Variants in SPMAP2L observed in about 807,000 individuals in gnomAD.
SPMAP2L encodes sperm microtubule associated protein 2-like.
the SPMAP2L span, among the ~76,000 whole-genome samples, chr4:56,574,843 A>C: frequency 6.6e-6 from 1 of 152,092 alleles, no homozygotes; most frequent in Non-Finnish European, 1.5e-5. Context: ...GTTGCTGGGC[A>C]TAGAGGCACA....
At chr4:56,618,769 C>T in the SPMAP2L span, among the ~76,000 whole-genome samples, 14 of 152,230 alleles carry the variant, frequency 9.2e-5, no homozygotes, top group African/African-American at 2.2e-4. Flanking sequence ...TTTTATAGAA[C>T]GGAACTTGGG....
the SPMAP2L span, among the ~76,000 whole-genome samples, chr4:56,583,398 T>G: frequency 6.6e-6 from 1 of 152,182 alleles, no homozygotes; most frequent in Non-Finnish European, 1.5e-5. Flanking sequence ...GTGGTGGTGG[T>G]TGCATATCTT....
At chr4:56,571,224 A>G in the SPMAP2L span, among the ~76,000 whole-genome samples, 1 of 151,828 alleles carries the variant, frequency 6.6e-6, no homozygotes, top group Non-Finnish European at 1.5e-5. Flanking sequence ...TTTTTTCTTT[A>G]TATCCTTATT....
the SPMAP2L span, chr4:56,559,427 C>G: frequency 3.3e-6 from 5 of 1,529,904 alleles, no homozygotes; most frequent in South Asian, 6.0e-5. Flanking sequence ...CCTATTCGCC[C>G]TGTTTCCCAG....
At chr4:56,564,818 TC>T in the SPMAP2L span, among the ~76,000 whole-genome samples, 1 of 152,226 alleles carries the variant, frequency 6.6e-6, no homozygotes, top group African/African-American at 2.4e-5. Context: ...TGCATTTTCC[TC>T]TAAGTATTGT....
chr4:56,560,180 A>G, the SPMAP2L span, among the ~76,000 whole-genome samples: 2 of 152,258 alleles, frequency 1.3e-5, no homozygotes, highest in East Asian at 3.9e-4. Flanking sequence ...TTTTCAAGTT[A>G]GGGGCTCCAA....
chr4:56,548,718 G>A, the SPMAP2L span: 1 of 1,060,598 alleles, frequency 9.4e-7, no homozygotes, highest in Non-Finnish European at 1.3e-6. Context: ...CTTTTAATTT[G>A]TGATGCTATC....
the SPMAP2L span, among the ~76,000 whole-genome samples, chr4:56,533,693 A>G: frequency 2.1e-3 from 318 of 151,946 alleles, 12 homozygotes; most frequent in South Asian, 0.05. Context: ...CAAATCTGTA[A>G]TCCCAGCACT....
the SPMAP2L span, chr4:56,593,059 T>A: frequency 6.3e-7 from 1 of 1,585,336 alleles, no homozygotes; most frequent in East Asian, 2.2e-5. Context: ...GATCCTATAT[T>A]GGCATGGGCT....
the SPMAP2L span, among the ~76,000 whole-genome samples, chr4:56,626,088 G>C: frequency 3.9e-5 from 6 of 152,210 alleles, no homozygotes; most frequent in African/African-American, 1.2e-4. Context: ...CAGTTCAGCT[G>C]AGAGGAAACT....
the SPMAP2L span, among the ~76,000 whole-genome samples, chr4:56,574,305 C>A: frequency 6.6e-6 from 1 of 152,116 alleles, no homozygotes; most frequent in South Asian, 2.1e-4. Context: ...TGTAGTCCCC[C>A]CTACTCAGGA....
chr4:56,567,449 T>TTTTTTTTTG, the SPMAP2L span, among the ~76,000 whole-genome samples: 1 of 112,740 alleles, frequency 8.9e-6, no homozygotes, highest in East Asian at 3.6e-4. Flanking sequence ...GTGGTTTTTT[T>TTTTTTTTTG]TTTTTTTTTT....
At chr4:56,545,452 G>T in the SPMAP2L span, among the ~76,000 whole-genome samples, 5 of 152,246 alleles carry the variant, frequency 3.3e-5, no homozygotes, top group African/African-American at 9.6e-5. Flanking sequence ...TAATTTTCAT[G>T]GCTACGTGTG....
At chr4:56,594,109 G>C in the SPMAP2L span, 4 of 1,607,222 alleles carry the variant, frequency 2.5e-6, no homozygotes, top group Admixed American at 1.7e-5. Flanking sequence ...TGGACGATTT[G>C]TTGCGGATCT....
the SPMAP2L span, among the ~76,000 whole-genome samples, chr4:56,566,931 G>A: frequency 1.3e-5 from 2 of 151,726 alleles, no homozygotes; most frequent in African/African-American, 4.8e-5. Context: ...TCCCAACCTC[G>A]TGATCCGCCC....
the SPMAP2L span, among the ~76,000 whole-genome samples, chr4:56,596,050 T>C: frequency 6.6e-6 from 1 of 152,218 alleles, no homozygotes; most frequent in South Asian, 2.1e-4. Context: ...CCAGGAGACT[T>C]AATAGACATT....
chr4:56,603,095 G>T, the SPMAP2L span: 1 of 602,114 alleles, frequency 1.7e-6, no homozygotes, highest in African/African-American at 1.8e-5. Flanking sequence ...TGGAGGTCAT[G>T]AAAATAAAAT....
At chr4:56,585,353 T>C in the SPMAP2L span, among the ~76,000 whole-genome samples, 1 of 152,086 alleles carries the variant, frequency 6.6e-6, no homozygotes, top group African/African-American at 2.4e-5. Flanking sequence ...GGATTTTATT[T>C]TTTTATTTTT....
At chr4:56,615,601 A>G in the SPMAP2L span, among the ~76,000 whole-genome samples, 2 of 152,248 alleles carry the variant, frequency 1.3e-5, no homozygotes, top group Non-Finnish European at 2.9e-5. Flanking sequence ...TACAAAAATT[A>G]GCTGGGCATG....
Sources: allele counts gnomAD v4.1 joint callset (sites outside exome capture counted in the v4.1 genomes callset), GRCh38; gene constraint gnomAD v4.1.1; transcripts MANE v1.5; gene names NCBI Gene and HGNC (gene_info 2026-07-23, HGNC 2026-07-21).